Variants in ZNF704 observed in about 807,000 individuals in gnomAD.
ZNF704 encodes the protein zinc finger protein 704.
Under a neutral mutation model 44.7 loss-of-function variants are expected in ZNF704, and 10 were observed. The ratio of observed to expected loss-of-function variants is 0.22; its 90% confidence interval spans 0.14 to 0.38. The LOEUF is 0.38. Among genes scored for constraint, ZNF704 ranks in the 10% least tolerant of loss-of-function variants. The pLI is 1.00. For missense variants in ZNF704, 390 were observed against 545.5 expected (o/e 0.71, Z 2.84); for synonymous variants, 211 against 207.6 (o/e 1.02, Z -0.14).
At chr8:80,715,469 C>A (rs192128932) in intron 2 of ZNF704, among the ~76,000 whole-genome samples, 1 of 152,194 alleles carries the variant, frequency 6.6e-6, no homozygotes, top group African/African-American at 2.4e-5. Context: ...ATTGGACTGG[C>A]ATATTCCTAA....
chr8:80,835,428 T>C (rs552902283), intron 1 of ZNF704, among the ~76,000 whole-genome samples: 18 of 152,260 alleles, frequency 1.2e-4, no homozygotes, highest in African/African-American at 4.1e-4. Context: ...TCTCCAAAGA[T>C]GATCTTGAGA....
chr8:80,771,739 T>C (rs954439324), intron 2 of ZNF704, among the ~76,000 whole-genome samples: 3 of 152,216 alleles, frequency 2.0e-5, no homozygotes, highest in African/African-American at 7.2e-5. Context: ...CAGCAATATG[T>C]TGAATGACAA....
intron 2 of ZNF704, among the ~76,000 whole-genome samples, chr8:80,702,780 A>C (rs1818832642): frequency 6.6e-6 from 1 of 152,082 alleles, no homozygotes. Flanking sequence ...AGTCCAAGGT[A>C]TGGCCGTGGG....
At chr8:80,704,181 CTG>C (rs1818859630) in intron 2 of ZNF704, among the ~76,000 whole-genome samples, 1 of 152,222 alleles carries the variant, frequency 6.6e-6, no homozygotes, top group East Asian at 1.9e-4. Context: ...GAAAATAATT[CTG>C]TGTGATTAGC....
intron 2 of ZNF704, among the ~76,000 whole-genome samples, chr8:80,701,699 G>T (rs1818813441): frequency 6.6e-6 from 1 of 152,218 alleles, no homozygotes; most frequent in Non-Finnish European, 1.5e-5. Context: ...AGAGGGAAGA[G>T]AATTTCAGGA....
chr8:80,761,236 A>G (rs1303847792), intron 2 of ZNF704, among the ~76,000 whole-genome samples: 1 of 152,126 alleles, frequency 6.6e-6, no homozygotes, highest in Non-Finnish European at 1.5e-5. Flanking sequence ...TTGATCTTAG[A>G]CTTCTCAGCC....
chr8:80,813,050 C>A (rs1270652721), intron 2 of ZNF704, among the ~76,000 whole-genome samples: 1 of 152,200 alleles, frequency 6.6e-6, no homozygotes, highest in Non-Finnish European at 1.5e-5. Flanking sequence ...ACGGGCATCA[C>A]AAAAGTGGTA....
intron 7 of ZNF704, among the ~76,000 whole-genome samples, chr8:80,655,331 T>A (rs1817997544): frequency 6.7e-6 from 1 of 150,218 alleles, no homozygotes; most frequent in African/African-American, 2.5e-5. Flanking sequence ...AACTTTAATT[T>A]AAAAAAAAGA....
intron 2 of ZNF704, among the ~76,000 whole-genome samples, chr8:80,803,000 A>T (rs938188256): frequency 2.0e-5 from 3 of 151,994 alleles, no homozygotes; most frequent in African/African-American, 7.2e-5. Context: ...TCTCAAGATA[A>T]AAAAAAATCA....
At chr8:80,783,712 G>A (rs1185120338) in intron 2 of ZNF704, among the ~76,000 whole-genome samples, 2 of 152,068 alleles carry the variant, frequency 1.3e-5, no homozygotes, top group Non-Finnish European at 2.9e-5. Flanking sequence ...GATCAACACA[G>A]TTACAACTGA....
chr8:80,745,061 G>C (rs999271858), intron 2 of ZNF704, among the ~76,000 whole-genome samples: 1 of 152,108 alleles, frequency 6.6e-6, no homozygotes, highest in South Asian at 2.1e-4. Context: ...TTTAAGTTTA[G>C]AATAAAAACT....
chr8:80,808,123 T>A (rs1288639650), intron 2 of ZNF704, among the ~76,000 whole-genome samples: 27 of 152,180 alleles, frequency 1.8e-4, no homozygotes, highest in Admixed American at 1.6e-3. Context: ...TTCCTTAAGA[T>A]CAAGGAGCAG....
intron 2 of ZNF704, among the ~76,000 whole-genome samples, chr8:80,735,364 TG>T (rs1369197228): frequency 6.6e-6 from 1 of 152,254 alleles, no homozygotes; most frequent in Non-Finnish European, 1.5e-5. Flanking sequence ...AACTGATCCA[TG>T]CTTATCGTTC....
chr8:80,710,914 A>G (rs1035288732), intron 2 of ZNF704, among the ~76,000 whole-genome samples: 2 of 152,152 alleles, frequency 1.3e-5, no homozygotes, highest in East Asian at 3.9e-4. Context: ...ATTTTTATCC[A>G]GTATACTGGG....
intron 1 of ZNF704, among the ~76,000 whole-genome samples, chr8:80,826,432 A>G (rs1269381035): frequency 2.6e-5 from 4 of 152,210 alleles, no homozygotes; most frequent in East Asian, 1.9e-4. Flanking sequence ...TGACGCAATA[A>G]TAGCCTACAA....
In ZNF704 at chr8:80,868,972, G is replaced by A. The variant is rs73270402; in HGVS notation, c.-22+5599C>T. ...CTCCACTTTCTCTACAAGAGGCAAC[G>A]TAGTGTAATGCATGTGGGTGCCACC... On this transcript the variant is annotated intron_variant, in intron 1 of 8. Transcript: ENST00000327835. 4.2e-3 allele frequency among the ~76,000 whole-genome samples: 643 copies of A among 152,280 alleles called. 4 individuals are homozygous for A. The highest frequency in any genetic ancestry group is 0.014 in the African/African-American group (601 of 41,552).
Position 80,632,103 on chromosome 8 carries a change from T to G in ZNF704, c.*9263A>C, listed in dbSNP as rs1159508923. On this transcript the variant is annotated 3_prime_UTR_variant, in exon 9 of 9. Coordinates refer to ENST00000327835, the MANE Select transcript of ZNF704 (RefSeq NM_001033723.3). ...TTTAAAGCTGTTTCTTGAGTGCTGG[T>G]TTTCCTCTTAAGTCAAGGATGTAGA... The G allele has an allele frequency of 6.6e-6, 1 of 152,158 alleles. No homozygotes were observed. The highest frequency in any genetic ancestry group is 1.9e-4 in the East Asian group (1 of 5,188). The allele number at this position is 152,158 out of a possible 1,614,324, so 9.4% of individuals were successfully genotyped here.
chr8:80,720,687 A>G (rs1473499778), intron 2 of ZNF704, among the ~76,000 whole-genome samples: 4 of 152,226 alleles, frequency 2.6e-5, no homozygotes, highest in Non-Finnish European at 5.9e-5. Flanking sequence ...CTCATTCCCC[A>G]CGAGGGTAAA....
At chr8:80,721,021 A>G (rs1220209192) in intron 2 of ZNF704, among the ~76,000 whole-genome samples, 1 of 151,780 alleles carries the variant, frequency 6.6e-6, no homozygotes, top group African/African-American at 2.4e-5. Flanking sequence ...TGTGACCACC[A>G]CCCTTCTTGT....
Sources: gnomAD v4.1 joint callset for allele counts (sites outside exome capture counted in the v4.1 genomes callset) on GRCh38, gnomAD v4.1.1 for gene constraint, MANE v1.5 for transcripts, NCBI Gene and HGNC (gene_info 2026-07-23, HGNC 2026-07-21) for gene names.